PPP6R3: variants seen among roughly 807,000 people sequenced by gnomAD.
PPP6R3 encodes serine/threonine-protein phosphatase 6 regulatory subunit 3.
A neutral mutation model predicts 110.7 loss-of-function variants in PPP6R3; 38 were observed. The observed-to-expected ratio is 0.34, with a 90% CI of 0.26 to 0.45. The LOEUF is 0.45. Among genes scored for constraint, PPP6R3 ranks in the 20% least tolerant of loss-of-function variants. The pLI is 1.00. For synonymous variants in PPP6R3, 369 were observed against 373.5 expected (o/e 0.99, Z 0.14); for missense variants, 870 against 1,062.4 (o/e 0.82, Z 2.52).
chr11:68,463,645 C>A (rs1482865738), intron 1 of PPP6R3, among the ~76,000 whole-genome samples: 1 of 152,126 alleles, frequency 6.6e-6, no homozygotes, highest in Non-Finnish European at 1.5e-5. Context: ...TTGACTTGGT[C>A]CTTAGAAGTT....
chr11:68,504,219 T>G (rs1172558547), intron 1 of PPP6R3, among the ~76,000 whole-genome samples: 1 of 84,948 alleles, frequency 1.2e-5, no homozygotes, highest in Admixed American at 1.2e-4. Flanking sequence ...GTAGAAATTG[T>G]TTTTTTTTTC....
intron 19 of PPP6R3, among the ~76,000 whole-genome samples, chr11:68,596,925 G>A (rs555260335): frequency 3.9e-5 from 6 of 152,284 alleles, no homozygotes; most frequent in African/African-American, 1.4e-4. Context: ...GGTGACTTCA[G>A]AGCTAGATGG....
chr11:68,557,005 G>A (rs913107945), intron 7 of PPP6R3, among the ~76,000 whole-genome samples: 5 of 152,270 alleles, frequency 3.3e-5, no homozygotes, highest in African/African-American at 1.2e-4. Context: ...ATTGACGAAA[G>A]TGACAGTGCC....
intron 2 of PPP6R3, among the ~76,000 whole-genome samples, chr11:68,531,896 T>A (rs1363407029): frequency 1.3e-5 from 2 of 152,178 alleles, no homozygotes; most frequent in African/African-American, 4.8e-5. Context: ...TTCTTAGTAG[T>A]CCTAGAAGAG....
Position 68,574,170 on chromosome 11 carries a change from G to C in PPP6R3, c.1405G>C (p.Val469Leu), listed in dbSNP as rs753688721. The change falls in exon 13 of 24, where the codon GTG becomes CTG. Residue 469 changes from valine to leucine, a missense_variant. Coordinates refer to ENST00000393800, the MANE Select transcript of PPP6R3 (RefSeq NM_001164161.2). The part of the protein sequence containing the change: ...GHLTRIANCI[V>L]HSTDKGPNSA... Reference sequence around the variant, plus strand: ...CCTAACGAGGATAGCTAACTGTATCGTGCACAGCACTGACAAGGGCCCCAA... The same window carrying C: ...CCTAACGAGGATAGCTAACTGTATCCTGCACAGCACTGACAAGGGCCCCAA... 6.2e-7 allele frequency: 1 copy of C among 1,613,932 alleles called. No homozygotes were observed. The highest frequency in any genetic ancestry group is 2.2e-5 in the East Asian group (1 of 44,894).
intron 8 of PPP6R3, 111 bp from the exon 9 acceptor site, chr11:68,564,192 C>G: frequency 8.6e-7 from 1 of 1,157,462 alleles, no homozygotes; most frequent in Non-Finnish European, 1.2e-6. Flanking sequence ...AGCCTTTTTT[C>G]CCGCAGCCAG....
At chr11:68,514,144 A>G (rs1592329055) in intron 1 of PPP6R3, among the ~76,000 whole-genome samples, 1 of 152,152 alleles carries the variant, frequency 6.6e-6, no homozygotes, top group East Asian at 1.9e-4. Context: ...TCTCTCTGTA[A>G]CCTCAAACTC....
At chr11:68,550,789 C>A (rs779903369) in intron 5 of PPP6R3, among the ~76,000 whole-genome samples, 3 of 152,210 alleles carry the variant, frequency 2.0e-5, no homozygotes, top group Non-Finnish European at 4.4e-5. Flanking sequence ...CCTTCTTAAT[C>A]TCCCAGCCCT....
intron 2 of PPP6R3, among the ~76,000 whole-genome samples, chr11:68,521,054 G>A (rs1049419584): frequency 2.0e-5 from 3 of 152,156 alleles, no homozygotes; most frequent in African/African-American, 7.2e-5. Context: ...TTACAGGCGT[G>A]AGCCACCGCG....
intron 10 of PPP6R3, among the ~76,000 whole-genome samples, chr11:68,569,360 C>T (rs2099493438): frequency 2.0e-5 from 3 of 152,178 alleles, no homozygotes; most frequent in South Asian, 2.1e-4. Flanking sequence ...CCTATATATA[C>T]TATGTGTTTT....
In PPP6R3 at chr11:68,613,499, G is replaced by C. The variant is rs956993402; in HGVS notation, c.*382G>C. On this transcript the variant is annotated 3_prime_UTR_variant, in exon 24 of 24. Transcript: ENST00000393800. ...TGAAACATAACTTTGACAATTATTA[G>C]TGTGACCAAAGTATTAGGCGGTTTT... 1.5e-5 allele frequency: 15 copies of C among 992,056 alleles called. No homozygotes were observed. The African/African-American group carries it at 2.6e-4, about 17-fold the overall frequency. The allele number at this position is 992,056 out of a possible 1,614,324, so 61.5% of individuals were successfully genotyped here. A position where few individuals can be genotyped will look rare whatever the true frequency, so the allele number is the denominator to read the frequency against.
At chr11:68,479,921 A>G (rs919429037) in intron 1 of PPP6R3, among the ~76,000 whole-genome samples, 1 of 151,770 alleles carries the variant, frequency 6.6e-6, no homozygotes. Context: ...GTATTTTTTT[A>G]TGAACAGGGT....
chr11:68,470,857 A>G (rs1346395837), intron 1 of PPP6R3, among the ~76,000 whole-genome samples: 3 of 152,194 alleles, frequency 2.0e-5, no homozygotes, highest in Non-Finnish European at 4.4e-5. Context: ...TGGGAAGAAC[A>G]GCGTGTGGAA....
chr11:68,594,012 C>T (rs2099603664), intron 18 of PPP6R3, among the ~76,000 whole-genome samples: 1 of 151,820 alleles, frequency 6.6e-6, no homozygotes, highest in Non-Finnish European at 1.5e-5. Flanking sequence ...TTAATGCTGC[C>T]TATGGGAAAT....
rs564009037 is a variant in PPP6R3 at position 68,568,051 on chromosome 11, A to G, written c.1128+885A>G. On this transcript the variant is annotated intron_variant, in intron 10 of 23. Transcript: ENST00000393800. ...TGAATTCACCCAATTTCAAACCCATACGTGCTTTATCAACCACATCATTGT... is the reference window on the plus strand; with the variant it reads ...TGAATTCACCCAATTTCAAACCCATGCGTGCTTTATCAACCACATCATTGT... Among the ~76,000 whole-genome samples, 3 of 152,298 alleles carry G rather than the reference A, an allele frequency of 2.0e-5. No homozygotes were observed. In the East Asian group the frequency reaches 5.8e-4, roughly 29 times the overall value.
At chr11:68,605,180 AAAT>A (rs1237276670) in intron 22 of PPP6R3, among the ~76,000 whole-genome samples, 3 of 152,128 alleles carry the variant, frequency 2.0e-5, no homozygotes, top group Non-Finnish European at 2.9e-5. Flanking sequence ...TCTCTGCAAA[AAAT>A]ACAAAAATTA....
chr11:68,579,019 A>AG (rs2099542838), intron 14 of PPP6R3, among the ~76,000 whole-genome samples: 1 of 152,296 alleles, frequency 6.6e-6, no homozygotes, highest in Admixed American at 6.5e-5. Context: ...CTCTTCCCCA[A>AG]GGGGGAAAAT....
chr11:68,509,397 TCTC>T (rs574079663), intron 1 of PPP6R3, among the ~76,000 whole-genome samples: 74 of 152,268 alleles, frequency 4.9e-4, no homozygotes, highest in Admixed American at 3.1e-3. Context: ...TTGTCTGACT[TCTC>T]CTTCACCATC....
At chr11:68,514,567 T>G (rs1182481979) in intron 1 of PPP6R3, among the ~76,000 whole-genome samples, 2 of 152,144 alleles carry the variant, frequency 1.3e-5, no homozygotes, top group African/African-American at 2.4e-5. Context: ...TCATTTTTTT[T>G]ATGTTTCTCA....
Sources: allele counts gnomAD v4.1 joint callset (sites outside exome capture counted in the v4.1 genomes callset), GRCh38; gene constraint gnomAD v4.1.1; transcripts MANE v1.5; gene names NCBI Gene and HGNC (gene_info 2026-07-23, HGNC 2026-07-21).